ZNF169: variants seen among roughly 807,000 people sequenced by gnomAD.
ZNF169 encodes the protein zinc finger protein 169.
ZNF169 carries 11 observed loss-of-function variants against 12.0 expected under a neutral mutation model. That is an observed-to-expected ratio of 0.92 (90% CI 0.58 to 1.52). The LOEUF is 1.52. ZNF169 is among the 40% of genes most tolerant of loss of function. The pLI, the probability that ZNF169 is intolerant of heterozygous loss-of-function variation, is 0.00. For missense variants in ZNF169, 722 were observed against 744.0 expected (o/e 0.97, Z 0.34); for synonymous variants, 302 against 286.5 (o/e 1.05, Z -0.55).
At chr9:94,272,009 A>T (rs1830433276) in intron 1 of ZNF169, among the ~76,000 whole-genome samples, 1 of 152,160 alleles carries the variant, frequency 6.6e-6, no homozygotes, top group Admixed American at 6.5e-5. Context: ...TAATATCTTT[A>T]CAGATGTAGG....
intron 1 of ZNF169, among the ~76,000 whole-genome samples, chr9:94,273,575 C>CTTTTTTT (rs768421966): frequency 4.5e-5 from 5 of 109,964 alleles, no homozygotes; most frequent in Non-Finnish European, 5.6e-5. Context: ...AACTTTCTTT[C>CTTTTTTT]TTTCTTTTTT....
chr9:94,300,945 T>C lies in ZNF169; in HGVS notation c.1387T>C (p.Cys463Arg), dbSNP rs1182374727. 1 of 1,613,924 alleles carries C rather than the reference T, an allele frequency of 6.2e-7. No individual in the cohort carries two copies. The highest frequency in any genetic ancestry group is 2.2e-5 in the East Asian group (1 of 44,864). The change falls in exon 5 of 5, where the codon TGT becomes CGT. Residue 463 changes from cysteine (C) to arginine (R), a missense_variant. Transcript: ENST00000395395. ...GGAGAAGCCCTACCTGTGCCCTGAT[T>C]GTGGGCGTGGCTTTGGTCAGAAGGT... is the stretch of plus-strand genomic sequence containing the variant. ...TGEKPYLCPD[C>R]GRGFGQKVTL...
At position 94,300,546 on chromosome 9, in the gene ZNF169, A is replaced by G; in HGVS notation, c.988A>G (p.Lys330Glu). 6.2e-7 allele frequency: 1 copy of G among 1,614,022 alleles called. No homozygotes were observed. Among genetic ancestry groups the G allele is most frequent in the East Asian group, 2.2e-5 (1 of 44,858 alleles). ...CQECGRGFRQ[K>E]IALLLHQRTH... The stretch of plus-strand genomic sequence containing the variant: ...GGAGTGTGGGCGAGGCTTTCGCCAG[A>G]AGATAGCCCTCCTTCTACACCAGAG... The change falls in exon 5 of 5, where the codon AAG (lysine) becomes GAG (glutamate). Residue 330 changes from lysine (K) to glutamate (E), a missense_variant. Transcript: ENST00000395395.
intron 4 of ZNF169, among the ~76,000 whole-genome samples, chr9:94,299,271 G>A (rs1831008303): frequency 6.6e-6 from 1 of 152,186 alleles, no homozygotes; most frequent in Non-Finnish European, 1.5e-5. Flanking sequence ...AAGCTCCCTG[G>A]CCTAAAGCCT....
intron 2 of ZNF169, among the ~76,000 whole-genome samples, chr9:94,281,288 T>A (rs1830626475): frequency 6.6e-6 from 1 of 152,236 alleles, no homozygotes; most frequent in South Asian, 2.1e-4. Flanking sequence ...GCATCAGATC[T>A]GAATTATGTA....
At chr9:94,294,928 T>C (rs1830920993) in intron 4 of ZNF169, 1 of 152,270 alleles carries the variant, frequency 6.6e-6, no homozygotes, top group African/African-American at 2.4e-5. Context: ...TTTCATGGTT[T>C]CCTGGCATTT....
At chr9:94,288,219 T>A (rs1830755030) in intron 2 of ZNF169, 1 of 805,892 alleles carries the variant, frequency 1.2e-6, no homozygotes, top group Admixed American at 1.8e-5. Flanking sequence ...GATTTTAGCA[T>A]TTTTTTCCCC....
intron 2 of ZNF169, chr9:94,288,210 A>AC (rs1244877615): frequency 2.0e-5 from 16 of 812,142 alleles, no homozygotes; most frequent in Admixed American, 1.9e-4. Context: ...CCCTGTCTTG[A>AC]TTTTAGCATT....
chr9:94,270,863 TA>T (rs1289227289), intron 1 of ZNF169, among the ~76,000 whole-genome samples: 6 of 31,884 alleles, frequency 1.9e-4, no homozygotes, highest in African/African-American at 5.9e-4. Context: ...ATATATATAA[TA>T]ATATATATAT....
intron 1 of ZNF169, among the ~76,000 whole-genome samples, chr9:94,277,894 T>A (rs1400257640): frequency 6.8e-6 from 1 of 148,108 alleles, no homozygotes; most frequent in African/African-American, 2.5e-5. Context: ...ATTGCGCCAC[T>A]GCACTCCCGC....
At chr9:94,285,719 A>G (rs1185883319) in intron 2 of ZNF169, among the ~76,000 whole-genome samples, 2 of 152,154 alleles carry the variant, frequency 1.3e-5, no homozygotes, top group Admixed American at 1.3e-4. Context: ...CACAGAACTG[A>G]TAAGAATTGG....
chr9:94,282,463 A>C (rs1049915857), intron 2 of ZNF169, among the ~76,000 whole-genome samples: 1 of 152,200 alleles, frequency 6.6e-6, no homozygotes, highest in Non-Finnish European at 1.5e-5. Flanking sequence ...GATGACTTGA[A>C]CAAGAGGGGT....
At position 94,301,337 on chromosome 9, in the gene ZNF169, T is replaced by C. The variant is rs143633832; in HGVS notation, c.1779T>C (p.Ser593=). The change falls in exon 5 of 5, where the codon TCT becomes TCC. Residue 593 remains serine, a synonymous_variant. Coordinates refer to ENST00000395395, the MANE Select transcript of ZNF169 (RefSeq NM_194320.4). Reference sequence around the variant, plus strand: ...TGCATAGACACAGGAGGACCAAGTCTGGTCATCAGCTCCTACCCCAAGAGG... The same window carrying C: ...TGCATAGACACAGGAGGACCAAGTCCGGTCATCAGCTCCTACCCCAAGAGG... ...SHLHRHRRTK[S]GHQLLPQEVF 90 of 1,613,874 alleles carry C rather than the reference T, an allele frequency of 5.6e-5. No homozygotes were observed. In the African/African-American group the frequency reaches 1.1e-3, roughly 19 times the overall value.
intron 2 of ZNF169, among the ~76,000 whole-genome samples, chr9:94,281,525 G>A (rs953041280): frequency 5.9e-5 from 9 of 152,144 alleles, no homozygotes; most frequent in East Asian, 1.9e-4. Context: ...GATTGTCAAC[G>A]AAAAGAGTCT....
chr9:94,273,888 A>G (rs1225330673), intron 1 of ZNF169, among the ~76,000 whole-genome samples: 2 of 152,092 alleles, frequency 1.3e-5, no homozygotes, highest in Admixed American at 6.6e-5. Flanking sequence ...CAAAAGCTAT[A>G]ACTTTCTTTC....
rs1433514167 is a variant in ZNF169 at position 94,288,126 on chromosome 9, A to G, written c.34-4215A>G. On this transcript the variant is annotated intron_variant, in intron 2 of 4. Transcript: ENST00000395395. ...CAGCCAGCCCTCATAACCCAGCACC[A>G]GAGCACCCTGGAATGAGGGCCCAGC... 3.6e-6 allele frequency: 3 copies of G among 826,270 alleles called. No homozygotes were observed. The Admixed American group carries it at 5.2e-5, about 14-fold the overall frequency. 51.2% of individuals were successfully genotyped at this position (826,270 alleles called of 1,614,324 possible).
At chr9:94,263,662 T>C (rs559754128) in intron 1 of ZNF169, among the ~76,000 whole-genome samples, 166 of 152,268 alleles carry the variant, frequency 1.1e-3, no homozygotes, top group African/African-American at 3.9e-3. Flanking sequence ...GTGCTGGGAT[T>C]ACAGGCATGA....
chr9:94,278,636 C>A, intron 1 of ZNF169, 122 bp from the exon 2 acceptor site: 2 of 542,792 alleles, frequency 3.7e-6, no homozygotes, highest in Non-Finnish European at 6.4e-6. Context: ...TTCACCGATG[C>A]CCTCTGCAAC....
At chr9:94,297,434 A>T (rs1830975476) in intron 4 of ZNF169, among the ~76,000 whole-genome samples, 1 of 152,218 alleles carries the variant, frequency 6.6e-6, no homozygotes, top group Non-Finnish European at 1.5e-5. Context: ...TGTAGAAATA[A>T]AATGGATTTA....
Sources: gnomAD v4.1 joint callset for allele counts (sites outside exome capture counted in the v4.1 genomes callset) on GRCh38, gnomAD v4.1.1 for gene constraint, MANE v1.5 for transcripts, NCBI Gene and HGNC (gene_info 2026-07-23, HGNC 2026-07-21) for gene names.